TRPM3: variants seen among roughly 807,000 people sequenced by gnomAD.
The protein encoded by TRPM3 is transient receptor potential cation channel subfamily M member 3, also known as long transient receptor potential channel 3.
TRPM3 carries 77 observed loss-of-function variants against 181.2 expected under a neutral mutation model. The ratio of observed to expected loss-of-function variants is 0.42; its 90% CI spans 0.35 to 0.51. The LOEUF (loss-of-function observed/expected upper bound fraction) is 0.51. Ranked by LOEUF, TRPM3 falls within the 20% of genes least tolerant of loss-of-function variation. The pLI, the probability that TRPM3 is intolerant of heterozygous loss-of-function variation, is 0.01. For missense variants in TRPM3, 1,759 were observed against 2,196.7 expected (o/e 0.80, Z 3.98); for synonymous variants, 745 against 796.4 (o/e 0.94, Z 1.09).
chr9:71,179,004 CT>C (rs556826980), intron 1 of TRPM3, among the ~76,000 whole-genome samples: 125 of 152,186 alleles, frequency 8.2e-4, no homozygotes, highest in African/African-American at 2.9e-3. Context: ...ACAGTTTAAA[CT>C]TTTATTAAAT....
At chr9:71,092,695 T>C (rs1275325005) in intron 1 of TRPM3, among the ~76,000 whole-genome samples, 3 of 152,182 alleles carry the variant, frequency 2.0e-5, no homozygotes, top group South Asian at 4.1e-4. Flanking sequence ...TTCATTTAAA[T>C]TGACAAAATT....
chr9:71,284,683 G>A (rs2132226954), intron 1 of TRPM3, among the ~76,000 whole-genome samples: 1 of 152,220 alleles, frequency 6.6e-6, no homozygotes, highest in South Asian at 2.1e-4. Context: ...CTTTCTTCTG[G>A]TTAGTGAGGG....
At chr9:71,138,719 A>G (rs769362811) in intron 1 of TRPM3, among the ~76,000 whole-genome samples, 10 of 152,178 alleles carry the variant, frequency 6.6e-5, no homozygotes, top group Non-Finnish European at 1.5e-4. Flanking sequence ...TTTTTTCCCA[A>G]TAGTCAACTA....
intron 25 of TRPM3, among the ~76,000 whole-genome samples, chr9:70,540,449 C>G (rs1411061510): frequency 1.3e-5 from 2 of 152,158 alleles, no homozygotes; most frequent in Non-Finnish European, 2.9e-5. Context: ...TCTTCTCTGT[C>G]CACATCCCAC....
chr9:71,340,430 G>T (rs1483795195), intron 1 of TRPM3, among the ~76,000 whole-genome samples: 1 of 152,076 alleles, frequency 6.6e-6, no homozygotes, highest in Non-Finnish European at 1.5e-5. Context: ...ACAGTGGAAG[G>T]TAATTGAATC....
At chr9:70,687,614 G>C (rs760387197) in intron 8 of TRPM3, among the ~76,000 whole-genome samples, 96 of 152,170 alleles carry the variant, frequency 6.3e-4, no homozygotes, top group Non-Finnish European at 1.3e-3. Flanking sequence ...CTTGTGGACA[G>C]ATTACCTTAG....
At chr9:70,882,097 A>G (rs2096004657) in intron 1 of TRPM3, among the ~76,000 whole-genome samples, 1 of 152,198 alleles carries the variant, frequency 6.6e-6, no homozygotes, top group Non-Finnish European at 1.5e-5. Flanking sequence ...TCAACTTATT[A>G]AAGGGATTGT....
intron 1 of TRPM3, among the ~76,000 whole-genome samples, chr9:71,055,979 A>T (rs1243595685): frequency 6.6e-6 from 1 of 151,976 alleles, no homozygotes; most frequent in East Asian, 1.9e-4. Context: ...GCTATATATC[A>T]GGCCGTGTAT....
intron 1 of TRPM3, among the ~76,000 whole-genome samples, chr9:71,074,867 C>T (rs1326089422): frequency 6.6e-6 from 1 of 151,912 alleles, no homozygotes; most frequent in Admixed American, 6.6e-5. Context: ...TGAAATAACC[C>T]TTTTTAAGGA....
intron 1 of TRPM3, among the ~76,000 whole-genome samples, chr9:71,276,618 GACT>G (rs1255672610): frequency 3.3e-5 from 5 of 152,160 alleles, no homozygotes; most frequent in Non-Finnish European, 7.4e-5. Context: ...TATAATTCAT[GACT>G]ACAAGTTTGG....
At chr9:70,790,692 A>T (rs1250165794) in intron 6 of TRPM3, among the ~76,000 whole-genome samples, 1 of 152,192 alleles carries the variant, frequency 6.6e-6, no homozygotes, top group African/African-American at 2.4e-5. Flanking sequence ...TAACTAATGC[A>T]TCTCTTCTGT....
At chr9:71,160,521 A>T (rs1381492839) in intron 1 of TRPM3, among the ~76,000 whole-genome samples, 1 of 152,120 alleles carries the variant, frequency 6.6e-6, no homozygotes, top group Non-Finnish European at 1.5e-5. Flanking sequence ...AACACTACTT[A>T]TCCTTCTCAC....
In TRPM3 at chr9:70,591,086, G is replaced by T. The variant is rs1216837807; in HGVS notation, c.3168C>A (p.Ile1056=). The change falls in exon 22 of 26, where the codon ATC becomes ATA. Residue 1056 remains isoleucine (I), a synonymous_variant. Transcript: ENST00000677713. The part of the protein sequence containing the change: ...EEPSWKLAKN[I]FYMPYWMIYG... ...AAATCATCCAATAGGGCATGTAGAA[G>T]ATGTTCTTGGCCAGTTTCCATGATG... The T allele has an allele frequency of 2.5e-6, 4 of 1,614,058 alleles. No individual in the cohort carries two copies. Among genetic ancestry groups the T allele is most frequent in the Non-Finnish European group, 2.5e-6 (3 of 1,180,036 alleles).
intron 1 of TRPM3, among the ~76,000 whole-genome samples, chr9:70,910,886 T>G (rs2096530928): frequency 6.6e-6 from 1 of 152,234 alleles, no homozygotes; most frequent in East Asian, 1.9e-4. Flanking sequence ...AACTCTAACC[T>G]GTCTTTGACT....
intron 1 of TRPM3, among the ~76,000 whole-genome samples, chr9:71,239,204 C>A (rs2081529871): frequency 6.6e-6 from 1 of 152,102 alleles, no homozygotes; most frequent in African/African-American, 2.4e-5. Flanking sequence ...ATTTCCCAAG[C>A]CAAAATAGAA....
intron 1 of TRPM3, among the ~76,000 whole-genome samples, chr9:71,444,177 C>CAAA (rs34011806): frequency 2.9e-4 from 33 of 112,848 alleles, no homozygotes; most frequent in South Asian, 6.2e-4. Flanking sequence ...GAATACATCT[C>CAAA]AAAAAAAAAA....
At chr9:70,803,451 G>GTTTTTTTTTT (rs36024262) in intron 6 of TRPM3, among the ~76,000 whole-genome samples, 1 of 125,328 alleles carries the variant, frequency 8.0e-6, no homozygotes, top group Non-Finnish European at 1.6e-5. Context: ...CGTTTTTGTT[G>GTTTTTTTTTT]TTTTTTTTTT....
intron 9 of TRPM3, among the ~76,000 whole-genome samples, chr9:70,662,846 A>G (rs1032893379): frequency 2.0e-5 from 3 of 152,188 alleles, no homozygotes; most frequent in African/African-American, 7.2e-5. Context: ...TCCTTAAAGA[A>G]CTAAAAGTAG....
At chr9:71,196,719 T>C (rs1031436443) in intron 1 of TRPM3, among the ~76,000 whole-genome samples, 1 of 152,032 alleles carries the variant, frequency 6.6e-6, no homozygotes, top group African/African-American at 2.4e-5. Context: ...TTCCTTTAAA[T>C]GTTATTTAGC....
Sources: allele counts gnomAD v4.1 joint callset (sites outside exome capture counted in the v4.1 genomes callset), GRCh38; gene constraint gnomAD v4.1.1; transcripts MANE v1.5; gene names NCBI Gene and HGNC (gene_info 2026-07-23, HGNC 2026-07-21).